Variants in MTOR observed in about 807,000 individuals in gnomAD.
MTOR encodes serine/threonine-protein kinase mTOR.
A neutral mutation model predicts 319.8 loss-of-function variants in MTOR; 70 were observed. The ratio of observed to expected loss-of-function variants is 0.22; its 90% CI spans 0.18 to 0.27. MTOR has a LOEUF of 0.27. MTOR is among the 10% of genes least tolerant of loss of function. MTOR has a pLI of 1.00. For synonymous variants in MTOR, 1,183 were observed against 1,211.4 expected (o/e 0.98, Z 0.49); for missense variants, 1,890 against 3,274.4 (o/e 0.58, Z 10.32).
chr1:11,197,758 G>A (rs1645833402), intron 28 of MTOR, among the ~76,000 whole-genome samples: 2 of 152,128 alleles, frequency 1.3e-5, no homozygotes, highest in African/African-American at 2.4e-5. Flanking sequence ...GGCCAGGCTG[G>A]TCTCGAACTC....
intron 25 of MTOR, among the ~76,000 whole-genome samples, chr1:11,205,082 C>G (rs749412545): frequency 6.6e-6 from 1 of 152,166 alleles, no homozygotes; most frequent in Non-Finnish European, 1.5e-5. Flanking sequence ...TGAAGAGTCA[C>G]GCAAGAAGAG....
At chr1:11,238,652 A>T in intron 11 of MTOR, 35 bp from the exon 12 acceptor site, 1 of 1,557,692 alleles carries the variant, frequency 6.4e-7, no homozygotes, top group Non-Finnish European at 8.8e-7. Context: ...CAGAATAAAC[A>T]CTGCTGCTGT....
At chr1:11,258,666 T>A in intron 2 of MTOR, 73 bp from the exon 3 acceptor site, 1 of 1,133,444 alleles carries the variant, frequency 8.8e-7, no homozygotes, top group Non-Finnish European at 1.3e-6. Context: ...GGCTGGCATC[T>A]AAAGATTAGA....
chr1:11,163,100 C>G (rs1169703510), intron 29 of MTOR, among the ~76,000 whole-genome samples: 2 of 151,662 alleles, frequency 1.3e-5, no homozygotes, highest in Admixed American at 6.6e-5. Flanking sequence ...ATCTACCAAG[C>G]AAATGGAAAA....
chr1:11,118,525 G>T (rs545778612), intron 49 of MTOR, among the ~76,000 whole-genome samples: 2 of 150,114 alleles, frequency 1.3e-5, no homozygotes, highest in South Asian at 2.1e-4. Flanking sequence ...GTGAACCACC[G>T]TGCCTGGTCT....
At chr1:11,260,489 C>G (rs1055952781) in intron 1 of MTOR, among the ~76,000 whole-genome samples, 7 of 151,286 alleles carry the variant, frequency 4.6e-5, no homozygotes, top group Non-Finnish European at 8.8e-5. Flanking sequence ...TTGCAGTGAG[C>G]TGAGATTGGG....
chr1:11,255,895 C>T (rs1569841923), intron 5 of MTOR, 97 bp downstream of exon 5: 1 of 1,051,080 alleles, frequency 9.5e-7, no homozygotes, highest in Non-Finnish European at 1.4e-6. Flanking sequence ...AAACGTGATT[C>T]TTGCTCCATG....
intron 32 of MTOR, among the ~76,000 whole-genome samples, chr1:11,146,184 A>G (rs764468126): frequency 2.0e-5 from 3 of 152,212 alleles, no homozygotes; most frequent in Non-Finnish European, 4.4e-5. Flanking sequence ...CGGGCACCTC[A>G]TCTAAGTCTC....
chr1:11,231,185 G>A, intron 17 of MTOR, 115 bp downstream of exon 17: 2 of 1,580,834 alleles, frequency 1.3e-6, no homozygotes, highest in Non-Finnish European at 1.7e-6. Context: ...GAACAAAATT[G>A]GAGAGGGACA....
At chr1:11,118,486 C>T (rs535780403) in intron 49 of MTOR, among the ~76,000 whole-genome samples, 34 of 151,734 alleles carry the variant, frequency 2.2e-4, no homozygotes, top group Admixed American at 1.6e-3. Context: ...CCGCCCGCCT[C>T]GGCCTCCTAA....
intron 28 of MTOR, chr1:11,193,853 C>A: frequency 1.4e-6 from 2 of 1,393,550 alleles, no homozygotes; most frequent in Non-Finnish European, 2.0e-6. Flanking sequence ...GGTGCCATTC[C>A]TATTCTGATT....
Position 11,108,172 on chromosome 1 carries a change from C to T in MTOR, c.7634+9G>A. On this transcript the variant is annotated intron_variant, in intron 57 of 57. Coordinates refer to ENST00000361445, the MANE Select transcript of MTOR (RefSeq NM_004958.4). ...ATTTTAACAAAGTCACTTTGAGAGC[C>T]CCACTCACCAGCCAATATAGCACTG... 1.2e-6 allele frequency: 2 copies of T among 1,609,576 alleles called. No homozygotes were observed. Among genetic ancestry groups the T allele is most frequent in the East Asian group, 2.2e-5 (1 of 44,842 alleles).
At position 11,256,919 on chromosome 1, in the gene MTOR, C is replaced by T; in HGVS notation, c.504+14G>A. 5.6e-6 allele frequency: 9 copies of T among 1,611,286 alleles called. No individual in the cohort carries two copies. The highest frequency in any genetic ancestry group is 7.6e-6 in the Non-Finnish European group (9 of 1,178,442). ...TCCCCAAGCCTGGCTGTGCTCCTCC[C>T]TGTAGACACTCACAGCTGCATGTCT... is the stretch of plus-strand genomic sequence containing the variant. On this transcript the variant is annotated intron_variant, in intron 4 of 57. Coordinates refer to ENST00000361445, the MANE Select transcript of MTOR (RefSeq NM_004958.4).
chr1:11,178,466 T>C (rs1197105637), intron 28 of MTOR, among the ~76,000 whole-genome samples: 1 of 152,248 alleles, frequency 6.6e-6, no homozygotes, highest in African/African-American at 2.4e-5. Flanking sequence ...CTGGCTGATT[T>C]AGGGAGCTAT....
rs1276080761 is a variant in MTOR at position 11,115,543 on chromosome 1, C to CTGTA, written c.7017-79_7017-76dup. On this transcript the variant is annotated intron_variant, in intron 50 of 57. Transcript: ENST00000361445. This position sits in a 1 kb window ranked among gnomAD's most constrained non-coding sequence, Gnocchi z 4.5. ...TGAAAAAATCAATAAGTACGTGATA[C>CTGTA]TGTAAGCTAGGAGTTGGCAAACGAT... The CTGTA allele has an allele frequency of 2.6e-5, 37 of 1,426,856 alleles. No individual in the cohort carries two copies. Among genetic ancestry groups the CTGTA allele is most frequent in the Non-Finnish European group, 3.5e-5 (35 of 1,011,634 alleles). 88.4% of individuals were successfully genotyped at this position (1,426,856 alleles called of 1,614,324 possible).
intron 28 of MTOR, among the ~76,000 whole-genome samples, chr1:11,171,691 C>T (rs1214330032): frequency 6.6e-6 from 1 of 152,042 alleles, no homozygotes; most frequent in East Asian, 1.9e-4. Flanking sequence ...GACTGACCAG[C>T]ATAGCTTTGC....
chr1:11,209,904 G>T lies in MTOR; in HGVS notation c.3655-446C>A, dbSNP rs1646256184. On this transcript the variant is annotated intron_variant, in intron 24 of 57. Transcript: ENST00000361445. ...TTTTTTTGAGACAGAGTCTAGCTCT[G>T]TCTCTCAGGCTGGAGTGCAGTAGCG... is the stretch of plus-strand genomic sequence containing the variant. Among the ~76,000 whole-genome samples the T allele has an allele frequency of 2.0e-5, 3 of 152,130 alleles. No homozygotes were observed. The South Asian group carries it at 6.2e-4, about 32-fold the overall frequency.
rs971647817 is a variant in MTOR at position 11,109,494 on chromosome 1, C to T, written c.7448-124G>A. ...TAAGCAATCCTTCCTCTATGTCCGT[C>T]TTTGTCCTCAGAATATAATGAGAAA... is the stretch of plus-strand genomic sequence containing the variant. On this transcript the variant is annotated intron_variant, in intron 55 of 57. Coordinates refer to ENST00000361445, the MANE Select transcript of MTOR (RefSeq NM_004958.4). This position sits in a 1 kb window ranked among gnomAD's most constrained non-coding sequence, Gnocchi z 4.0. The T allele has an allele frequency of 8.2e-7, 1 of 1,212,136 alleles. No homozygotes were observed. The highest frequency in any genetic ancestry group is 1.2e-6 in the Non-Finnish European group (1 of 835,760). The allele number at this position is 1,212,136 out of a possible 1,614,324, so 75.1% of individuals were successfully genotyped here. A position where few individuals can be genotyped will look rare whatever the true frequency, so the allele number is the denominator to read the frequency against.
Position 11,109,556 on chromosome 1 carries a change from G to A in MTOR, c.7447+93C>T. 1 of 1,354,418 alleles carries A rather than the reference G, an allele frequency of 7.4e-7. No individual in the cohort carries two copies. The highest frequency in any genetic ancestry group is 1.1e-6 in the Non-Finnish European group (1 of 952,300). The allele number at this position is 1,354,418 out of a possible 1,614,324, so 83.9% of individuals were successfully genotyped here. ...TTTTCTGCTCAAAGGCAGTTTTGTT[G>A]CTTCATCTTGTTGACCCCTCTCAGG... On this transcript the variant is annotated intron_variant, in intron 55 of 57. Transcript: ENST00000361445. This position sits in a 1 kb window ranked among gnomAD's most constrained non-coding sequence, Gnocchi z 4.0.
Sources: allele counts gnomAD v4.1 joint callset (sites outside exome capture counted in the v4.1 genomes callset), GRCh38; gene constraint gnomAD v4.1.1; non-coding constraint Gnocchi (gnomAD v3.1); transcripts MANE v1.5; gene names NCBI Gene and HGNC (gene_info 2026-07-23, HGNC 2026-07-21).